PFDN1: variants seen among roughly 807,000 people sequenced by gnomAD.
PFDN1 encodes the protein prefoldin subunit 1.
PFDN1 carries 6 observed loss-of-function variants against 17.3 expected under a neutral mutation model. The observed-to-expected ratio is 0.35, with a 90% confidence interval of 0.19 to 0.69. The LOEUF is 0.69. Among genes scored for constraint, PFDN1 ranks in the 30% least tolerant of loss-of-function variants. PFDN1 has a pLI of 0.65. For missense variants in PFDN1, 113 were observed against 146.2 expected, an observed-to-expected ratio of 0.77 and a Z score of 1.17; for synonymous variants, 58 against 50.1, an observed-to-expected ratio of 1.16 and a Z score of -0.67.
At chr5:140,279,982 C>T (rs868680451) in intron 3 of PFDN1, among the ~76,000 whole-genome samples, 4 of 53,950 alleles carry the variant, frequency 7.4e-5, no homozygotes, top group South Asian at 4.0e-4. Flanking sequence ...GCAACAAGAG[C>T]GAAACTCCGT....
intron 3 of PFDN1, among the ~76,000 whole-genome samples, chr5:140,256,471 C>G (rs1202920851): frequency 6.6e-6 from 1 of 152,036 alleles, no homozygotes; most frequent in Non-Finnish European, 1.5e-5. Flanking sequence ...CCTATATCCC[C>G]TTAATTCCAG....
At chr5:140,302,991 C>A (rs1377072318) in intron 1 of PFDN1, 50 bp downstream of exon 1, 1 of 1,275,084 alleles carries the variant, frequency 7.8e-7, no homozygotes, top group Non-Finnish European at 1.1e-6. Context: ...GTCTATAGTC[C>A]CCTCAGCCTC....
Position 140,289,889 on chromosome 5 carries a change from C to T in PFDN1, c.201-8356G>A, listed in dbSNP as rs189874511. ...TTCTAATTTATCACTTTCTCTCATACTGACCCTTCACCTCACTATTCCACT... is the reference window on the plus strand; with the variant it reads ...TTCTAATTTATCACTTTCTCTCATATTGACCCTTCACCTCACTATTCCACT... On this transcript the variant is annotated intron_variant, in intron 2 of 3. Coordinates refer to ENST00000261813, the MANE Select transcript of PFDN1 (RefSeq NM_002622.5). 1.4e-3 allele frequency among the ~76,000 whole-genome samples: 218 copies of T among 152,300 alleles called. 1 individual carries two copies. Among genetic ancestry groups the T allele is most frequent in the African/African-American group, 5.1e-3 (210 of 41,552 alleles).
At chr5:140,298,680 T>A (rs150618661) in intron 2 of PFDN1, among the ~76,000 whole-genome samples, 240 of 151,908 alleles carry the variant, frequency 1.6e-3, no homozygotes, top group African/African-American at 5.4e-3. Flanking sequence ...AAAAGTAAAA[T>A]AATTTACTAG....
At chr5:140,287,717 T>C (rs1366298208) in intron 2 of PFDN1, among the ~76,000 whole-genome samples, 1 of 152,170 alleles carries the variant, frequency 6.6e-6, no homozygotes, top group Non-Finnish European at 1.5e-5. Flanking sequence ...ATCTAAATTA[T>C]GCAAAGAACT....
chr5:140,249,706 A>C (rs1413825212), intron 3 of PFDN1, among the ~76,000 whole-genome samples: 1 of 152,182 alleles, frequency 6.6e-6, no homozygotes. Context: ...TCGTGGTGGA[A>C]GGCGAAGGGG....
At chr5:140,298,491 C>T (rs1408169681) in intron 2 of PFDN1, among the ~76,000 whole-genome samples, 1 of 151,334 alleles carries the variant, frequency 6.6e-6, no homozygotes, top group South Asian at 2.1e-4. Flanking sequence ...AAAAAAAAAT[C>T]AGTCTTCTCC....
At chr5:140,276,804 A>AAAAC in intron 3 of PFDN1, among the ~76,000 whole-genome samples, 2 of 148,106 alleles carry the variant, frequency 1.4e-5, no homozygotes, top group African/African-American at 2.5e-5. Flanking sequence ...AAAAAAAAAA[A>AAAAC]AGACTGAGAG....
intron 2 of PFDN1, among the ~76,000 whole-genome samples, chr5:140,289,756 T>G (rs1358576162): frequency 2.0e-5 from 3 of 152,194 alleles, no homozygotes; most frequent in African/African-American, 4.8e-5. Flanking sequence ...TAAACTCATT[T>G]TATCAACCCA....
intron 2 of PFDN1, among the ~76,000 whole-genome samples, chr5:140,283,390 G>A (rs556260587): frequency 1.9e-4 from 29 of 152,008 alleles, no homozygotes; most frequent in Non-Finnish European, 3.7e-4. Context: ...CCACCACCAC[G>A]CCTGGCTAAT....
At chr5:140,274,160 T>C (rs1026456467) in intron 3 of PFDN1, among the ~76,000 whole-genome samples, 5 of 152,162 alleles carry the variant, frequency 3.3e-5, no homozygotes, top group African/African-American at 9.7e-5. Flanking sequence ...AGGATGAATT[T>C]CCCACTCTTT....
intron 3 of PFDN1, chr5:140,265,624 A>G (rs889349096): frequency 6.6e-6 from 1 of 152,154 alleles, no homozygotes; most frequent in Non-Finnish European, 1.5e-5. Context: ...GGAAAAAAAA[A>G]TTTAGTTTCA....
At chr5:140,285,241 T>C (rs1183470591) in intron 2 of PFDN1, among the ~76,000 whole-genome samples, 1 of 151,614 alleles carries the variant, frequency 6.6e-6, no homozygotes, top group Non-Finnish European at 1.5e-5. Flanking sequence ...GACATAAGAA[T>C]GAGCCTATCT....
At chr5:140,261,000 A>G (rs182735936) in intron 3 of PFDN1, among the ~76,000 whole-genome samples, 43 of 151,898 alleles carry the variant, frequency 2.8e-4, no homozygotes, top group Non-Finnish European at 2.9e-5. Context: ...CGTCTCTACT[A>G]AAAATACAAA....
intron 3 of PFDN1, among the ~76,000 whole-genome samples, chr5:140,275,563 G>A (rs1489527302): frequency 6.6e-6 from 1 of 152,058 alleles, no homozygotes. Context: ...GATGACATAG[G>A]GCACAACATG....
At chr5:140,285,615 A>C (rs987659011) in intron 2 of PFDN1, among the ~76,000 whole-genome samples, 4 of 152,146 alleles carry the variant, frequency 2.6e-5, no homozygotes, top group African/African-American at 9.7e-5. Flanking sequence ...TGAAGAGTAG[A>C]TACCCTGAAC....
Position 140,303,041 on chromosome 5 carries a change from C to G in PFDN1, c.33G>C (p.Lys11Asn). MAAPVDLELK[K>N]AFTELQAKVI... ...CCGCCTGCCAAAGACCCTCTTTTAC[C>G]TTCTTCAGCTCTAGATCCACGGGGG... Residue 11 changes from lysine (K) to asparagine (N), a missense_variant and splice_region_variant, in exon 1 of 4, where the codon AAG becomes AAC. Coordinates refer to ENST00000261813, the MANE Select transcript of PFDN1 (RefSeq NM_002622.5). 6.2e-7 allele frequency: 1 copy of G among 1,610,454 alleles called. No homozygotes were observed. Among genetic ancestry groups the G allele is most frequent in the South Asian group, 1.1e-5 (1 of 91,024 alleles).
At chr5:140,252,252 C>T (rs762724390) in intron 3 of PFDN1, among the ~76,000 whole-genome samples, 8 of 152,074 alleles carry the variant, frequency 5.3e-5, no homozygotes, top group African/African-American at 1.7e-4. Flanking sequence ...TGGATGTATA[C>T]GGATATGTAC....
intron 3 of PFDN1, among the ~76,000 whole-genome samples, chr5:140,264,957 G>T (rs879460853): frequency 1.3e-5 from 2 of 152,070 alleles, no homozygotes; most frequent in African/African-American, 4.8e-5. Context: ...AATCCTCTTA[G>T]GGACTTTTTA....
Sources: allele counts gnomAD v4.1 joint callset (sites outside exome capture counted in the v4.1 genomes callset), GRCh38; gene constraint gnomAD v4.1.1; transcripts MANE v1.5; gene names NCBI Gene and HGNC (gene_info 2026-07-23, HGNC 2026-07-21).